The following CDK14 variants were observed in gnomAD, a reference collection of about 807,000 sequenced individuals.
The protein encoded by CDK14 is cyclin-dependent kinase 14.
In CDK14, 34 loss-of-function variants were observed where a neutral mutation model predicts 60.7. That is an observed-to-expected ratio of 0.56 (90% CI 0.43 to 0.75). The LOEUF is 0.75. CDK14 is among the 30% of genes least tolerant of loss of function. CDK14 has a pLI of 0.00. For missense variants in CDK14, 482 were observed against 564.1 expected, an observed-to-expected ratio of 0.85 and a Z score of 1.47; for synonymous variants, 197 against 203.7, an observed-to-expected ratio of 0.97 and a Z score of 0.28.
chr7:90,762,636 G>T, intron 4 of CDK14, among the ~76,000 whole-genome samples: 1 of 152,234 alleles, frequency 6.6e-6, no homozygotes. Flanking sequence ...AAATACAAAG[G>T]TGCAGATTGA....
intron 9 of CDK14, among the ~76,000 whole-genome samples, chr7:90,956,303 A>G (rs1794408242): frequency 6.6e-6 from 1 of 152,194 alleles, no homozygotes; most frequent in Admixed American, 6.5e-5. Flanking sequence ...ACTACTTTTA[A>G]AAAATATTAT....
chr7:90,853,487 C>T (rs957148275), intron 5 of CDK14, among the ~76,000 whole-genome samples: 6 of 151,538 alleles, frequency 4.0e-5, no homozygotes, highest in South Asian at 2.1e-4. Context: ...TGTAGAGCAG[C>T]AAGTAGGTTG....
intron 4 of CDK14, among the ~76,000 whole-genome samples, chr7:90,784,510 A>G (rs1480310305): frequency 6.6e-6 from 1 of 152,210 alleles, no homozygotes; most frequent in African/African-American, 2.4e-5. Flanking sequence ...GTTTATATCA[A>G]TAGCATATGT....
chr7:91,197,101 A>G (rs1454055661), intron 14 of CDK14, among the ~76,000 whole-genome samples: 1 of 152,142 alleles, frequency 6.6e-6, no homozygotes, highest in African/African-American at 2.4e-5. Context: ...TTTTAGAACC[A>G]AAAGTCCCAA....
At chr7:91,179,577 C>G (rs1028730003) in intron 14 of CDK14, among the ~76,000 whole-genome samples, 1 of 151,198 alleles carries the variant, frequency 6.6e-6, no homozygotes, top group African/African-American at 2.4e-5. Context: ...CCGAGGTGGG[C>G]GGATCACGAG....
chr7:90,926,398 G>T (rs1292451901), intron 8 of CDK14, among the ~76,000 whole-genome samples: 1 of 152,164 alleles, frequency 6.6e-6, no homozygotes, highest in Non-Finnish European at 1.5e-5. Context: ...AGTTTAAATA[G>T]AGCTTTGGTA....
intron 9 of CDK14, among the ~76,000 whole-genome samples, chr7:90,981,420 AT>A (rs1438941915): frequency 6.6e-6 from 1 of 152,248 alleles, no homozygotes; most frequent in African/African-American, 2.4e-5. Context: ...ATCCTATGAT[AT>A]AAAATGGCAT....
intron 4 of CDK14, among the ~76,000 whole-genome samples, chr7:90,778,219 A>G (rs1805132803): frequency 6.6e-6 from 1 of 152,216 alleles, no homozygotes; most frequent in Non-Finnish European, 1.5e-5. Flanking sequence ...CATTTTGTCT[A>G]AATCTTTCAT....
intron 2 of CDK14, among the ~76,000 whole-genome samples, chr7:90,612,500 G>A (rs965020853): frequency 6.6e-6 from 1 of 152,116 alleles, no homozygotes; most frequent in African/African-American, 2.4e-5. Flanking sequence ...GGCCAGGCAC[G>A]GTGGCTCACG....
At chr7:90,623,317 T>A (rs1337424602) in intron 2 of CDK14, among the ~76,000 whole-genome samples, 1 of 152,136 alleles carries the variant, frequency 6.6e-6, no homozygotes, top group Admixed American at 6.6e-5. Flanking sequence ...ATACCAATAA[T>A]TAGACATCTT....
intron 11 of CDK14, among the ~76,000 whole-genome samples, chr7:91,059,734 C>T (rs1461279746): frequency 6.6e-6 from 1 of 152,126 alleles, no homozygotes; most frequent in African/African-American, 2.4e-5. Context: ...TTTCTGAATC[C>T]TGAGTTCTAG....
intron 10 of CDK14, among the ~76,000 whole-genome samples, chr7:91,024,071 C>T (rs1267444743): frequency 6.6e-6 from 1 of 151,852 alleles, no homozygotes; most frequent in Non-Finnish European, 1.5e-5. Context: ...TCATACCCAG[C>T]CAGAAAGCGT....
At chr7:90,755,880 T>G (rs182540772) in intron 4 of CDK14, among the ~76,000 whole-genome samples, 2 of 152,202 alleles carry the variant, frequency 1.3e-5, no homozygotes, top group African/African-American at 4.8e-5. Context: ...ACATGATAAC[T>G]ACCCTTTATT....
intron 10 of CDK14, among the ~76,000 whole-genome samples, chr7:91,003,427 G>T (rs2115765122): frequency 6.6e-6 from 1 of 152,226 alleles, no homozygotes; most frequent in Middle Eastern, 3.4e-3. Context: ...TAGCGTATTG[G>T]TTTGCCTACT....
At chr7:90,909,678 G>T (rs1792828052) in intron 7 of CDK14, among the ~76,000 whole-genome samples, 1 of 152,110 alleles carries the variant, frequency 6.6e-6, no homozygotes, top group Admixed American at 6.6e-5. Flanking sequence ...AGTAGAAAGA[G>T]AGTGTGGAAT....
At chr7:90,845,243 G>A (rs1226001021) in intron 5 of CDK14, among the ~76,000 whole-genome samples, 1 of 152,026 alleles carries the variant, frequency 6.6e-6, no homozygotes, top group Non-Finnish European at 1.5e-5. Context: ...AGCGAGTATT[G>A]CATTGCATAT....
At chr7:90,764,756 C>T in intron 4 of CDK14, among the ~76,000 whole-genome samples, 1 of 152,130 alleles carries the variant, frequency 6.6e-6, no homozygotes, top group East Asian at 1.9e-4. Context: ...CCTGTATAAA[C>T]AAATTCTTTG....
chr7:91,039,386 T>TA (rs1465898996), intron 10 of CDK14, among the ~76,000 whole-genome samples: 3 of 152,172 alleles, frequency 2.0e-5, no homozygotes, highest in Admixed American at 6.5e-5. Context: ...TTCTGTTTAT[T>TA]ACATGGATGG....
At chr7:90,727,659 C>G (rs1802692163) in intron 3 of CDK14, among the ~76,000 whole-genome samples, 1 of 152,006 alleles carries the variant, frequency 6.6e-6, no homozygotes, top group South Asian at 2.1e-4. Context: ...TTCCTTCATT[C>G]AAATTAAGAT....
Sources: allele counts gnomAD v4.1 joint callset (sites outside exome capture counted in the v4.1 genomes callset), GRCh38; gene constraint gnomAD v4.1.1; transcripts MANE v1.5; gene names NCBI Gene and HGNC (gene_info 2026-07-23, HGNC 2026-07-21).